The following BBS9 variants were observed in gnomAD, a reference collection of about 807,000 sequenced individuals.
BBS9 encodes protein PTHB1.
A neutral mutation model predicts 117.7 loss-of-function variants in BBS9; 89 were observed. That is an observed-to-expected ratio of 0.76 (90% CI 0.64 to 0.90). The LOEUF (loss-of-function observed/expected upper bound fraction) is 0.90. Ranked by LOEUF, BBS9 falls within the 40% of genes least tolerant of loss-of-function variation. The pLI is 0.00. For synonymous variants in BBS9, 379 were observed against 370.9 expected (o/e 1.02, Z -0.25); for missense variants, 982 against 1,042.2 (o/e 0.94, Z 0.80).
At chr7:33,364,613 T>G (rs1821289138) in intron 16 of BBS9, among the ~76,000 whole-genome samples, 1 of 140,938 alleles carries the variant, frequency 7.1e-6, no homozygotes, top group Admixed American at 7.0e-5. Context: ...TCCTTATATT[T>G]TCCCCCTTCC....
At chr7:33,527,125 A>G (rs1194427827) in intron 20 of BBS9, among the ~76,000 whole-genome samples, 10 of 152,020 alleles carry the variant, frequency 6.6e-5, no homozygotes, top group South Asian at 2.1e-4. Flanking sequence ...CCAGCTGCGT[A>G]CTGGGAGAAC....
At chr7:33,263,497 A>G (rs1234255506) in intron 6 of BBS9, among the ~76,000 whole-genome samples, 1 of 152,152 alleles carries the variant, frequency 6.6e-6, no homozygotes, top group East Asian at 1.9e-4. Flanking sequence ...TTTATTAGAT[A>G]AATTAATCAT....
At chr7:33,197,790 T>A (rs1337725555) in intron 5 of BBS9, among the ~76,000 whole-genome samples, 1 of 152,144 alleles carries the variant, frequency 6.6e-6, no homozygotes. Flanking sequence ...AAATGATTTT[T>A]AAATTATACT....
chr7:33,239,378 A>G (rs1465401589), intron 5 of BBS9, among the ~76,000 whole-genome samples: 2 of 152,076 alleles, frequency 1.3e-5, no homozygotes, highest in African/African-American at 2.4e-5. Context: ...CAATCTGCCC[A>G]TGAACACACA....
intron 21 of BBS9, among the ~76,000 whole-genome samples, chr7:33,537,366 G>T (rs1325766798): frequency 1.3e-5 from 2 of 152,166 alleles, no homozygotes; most frequent in Non-Finnish European, 2.9e-5. Context: ...ATTACCTTAT[G>T]AACTTCTTTG....
At chr7:33,399,687 C>A (rs541923268) in intron 19 of BBS9, among the ~76,000 whole-genome samples, 1 of 152,294 alleles carries the variant, frequency 6.6e-6, no homozygotes, top group African/African-American at 2.4e-5. Flanking sequence ...ACTTAGGGAT[C>A]ATCTAGTGCC....
chr7:33,206,721 T>A (rs200711458), intron 5 of BBS9, among the ~76,000 whole-genome samples: 3 of 152,302 alleles, frequency 2.0e-5, no homozygotes, highest in East Asian at 3.9e-4. Flanking sequence ...TTTTATCTAC[T>A]GTATCATCCA....
At chr7:33,146,187 A>G in intron 1 of BBS9, 55 bp from the exon 2 acceptor site, 1 of 1,204,216 alleles carries the variant, frequency 8.3e-7, no homozygotes, top group Non-Finnish European at 1.2e-6. Flanking sequence ...ATGCCTTAAG[A>G]CATAATTATT....
chr7:33,319,400 G>C (rs762226002), intron 9 of BBS9, among the ~76,000 whole-genome samples: 2 of 151,982 alleles, frequency 1.3e-5, no homozygotes, highest in Non-Finnish European at 2.9e-5. Context: ...TTTTCCTCTG[G>C]GTAGATACCT....
intron 21 of BBS9, among the ~76,000 whole-genome samples, chr7:33,588,398 T>A (rs2129173788): frequency 6.6e-6 from 1 of 152,230 alleles, no homozygotes; most frequent in Admixed American, 6.5e-5. Flanking sequence ...TAGAATTGAT[T>A]TTGGTTTCCG....
intron 5 of BBS9, among the ~76,000 whole-genome samples, chr7:33,181,598 T>C (rs1411275124): frequency 2.0e-5 from 3 of 152,244 alleles, no homozygotes; most frequent in Non-Finnish European, 1.5e-5. Context: ...TTGTTGTAGT[T>C]GTTAAAAAGC....
intron 21 of BBS9, among the ~76,000 whole-genome samples, chr7:33,632,047 A>G (rs1270591856): frequency 6.6e-6 from 1 of 152,134 alleles, no homozygotes; most frequent in Non-Finnish European, 1.5e-5. Context: ...TAGGCTGGAA[A>G]CCGTAGGGAA....
chr7:33,147,234 T>C (rs1792550981), intron 2 of BBS9, among the ~76,000 whole-genome samples: 1 of 152,090 alleles, frequency 6.6e-6, no homozygotes, highest in South Asian at 2.1e-4. Context: ...ATTTGAAATT[T>C]GTATTTGGTT....
At chr7:33,535,329 C>A (rs548307506) in intron 21 of BBS9, among the ~76,000 whole-genome samples, 135 of 152,232 alleles carry the variant, frequency 8.9e-4, no homozygotes, top group African/African-American at 3.2e-3. Flanking sequence ...CAGAGACACT[C>A]AAAAAATTTA....
chr7:33,250,809 T>G (rs561806982), intron 5 of BBS9, among the ~76,000 whole-genome samples: 1 of 152,354 alleles, frequency 6.6e-6, no homozygotes, highest in Non-Finnish European at 1.5e-5. Context: ...CATTTATTAA[T>G]GTATCTCCTA....
At chr7:33,431,665 G>A (rs931544581) in intron 19 of BBS9, among the ~76,000 whole-genome samples, 1 of 152,134 alleles carries the variant, frequency 6.6e-6, no homozygotes, top group African/African-American at 2.4e-5. Flanking sequence ...CTTTGATCTT[G>A]GAATTTCCAG....
At chr7:33,571,799 A>G (rs533123869) in intron 21 of BBS9, among the ~76,000 whole-genome samples, 1 of 152,170 alleles carries the variant, frequency 6.6e-6, no homozygotes, top group African/African-American at 2.4e-5. Flanking sequence ...TTTAATTTTT[A>G]CATATAGATA....
chr7:33,533,694 A>G, intron 20 of BBS9: 3 of 519,800 alleles, frequency 5.8e-6, no homozygotes, highest in Non-Finnish European at 1.0e-5. Flanking sequence ...ATAGATCTCC[A>G]ACCCTTGGAG....
intron 19 of BBS9, among the ~76,000 whole-genome samples, chr7:33,389,578 A>G (rs1826657157): frequency 6.6e-6 from 1 of 150,398 alleles, no homozygotes; most frequent in Non-Finnish European, 1.5e-5. Flanking sequence ...AATCCCAGCT[A>G]CTCGGGAGGC....
Sources: allele counts gnomAD v4.1 joint callset (sites outside exome capture counted in the v4.1 genomes callset), GRCh38; gene constraint gnomAD v4.1.1; transcripts MANE v1.5; gene names NCBI Gene and HGNC (gene_info 2026-07-23, HGNC 2026-07-21).